Variants in METTL8 observed in about 807,000 individuals in gnomAD.
METTL8 encodes the protein methyltransferase 8, tRNA N3-cytidine.
In METTL8, 32 loss-of-function variants were observed where a neutral mutation model predicts 48.7. The observed-to-expected ratio is 0.66, with a 90% CI of 0.50 to 0.88. The LOEUF is 0.88. METTL8 is among the 40% of genes least tolerant of loss of function. The pLI is 0.00. For missense variants in METTL8, 464 were observed against 474.4 expected (o/e 0.98, Z 0.20); for synonymous variants, 136 against 157.1 (o/e 0.87, Z 1.01).
At chr2:171,422,162 A>G (rs957102569) in intron 1 of METTL8, among the ~76,000 whole-genome samples, 6 of 152,236 alleles carry the variant, frequency 3.9e-5, no homozygotes, top group African/African-American at 1.4e-4. Context: ...AACAGAAAAC[A>G]GAGCACAGAA....
At chr2:171,384,529 G>C (rs1322920036) in intron 2 of METTL8, among the ~76,000 whole-genome samples, 2 of 148,200 alleles carry the variant, frequency 1.3e-5, no homozygotes, top group African/African-American at 5.0e-5. Context: ...CAAACAAACA[G>C]ACAAAAAATG....
At chr2:171,381,046 C>T (rs1345662603) in intron 2 of METTL8, among the ~76,000 whole-genome samples, 1 of 152,156 alleles carries the variant, frequency 6.6e-6, no homozygotes, top group Non-Finnish European at 1.5e-5. Context: ...GGTATCAAAA[C>T]AGACATATAG....
chr2:171,331,879 G>C lies in METTL8; in HGVS notation c.657-12C>G. 6.4e-7 allele frequency: 1 copy of C among 1,573,768 alleles called. No individual in the cohort carries two copies. The highest frequency in any genetic ancestry group is 8.7e-7 in the Non-Finnish European group (1 of 1,155,228). ...ACTCCGGAGAGTTCCTATGAAGATG[G>C]AAGAAATATTTATTTATTTTTTTGG... On this transcript the variant is annotated splice_polypyrimidine_tract_variant and intron_variant, in intron 5 of 9. Transcript: ENST00000375258.
At position 171,339,534 on chromosome 2, in the gene METTL8, T is replaced by A. The variant is rs749194619; in HGVS notation, c.256A>T (p.Ser86Cys). The change falls in exon 4 of 10, where the codon AGT becomes TGT. Residue 86 changes from serine to cysteine, a missense_variant. Coordinates refer to ENST00000375258, the MANE Select transcript of METTL8 (RefSeq NM_001321154.2). ...TTGTAAAATGTGTCCCAGTATTTAC[T>A]AGCTTCTCTCTCATACTTAACTAAA... ...EEQVKYEREA[S>C]KYWDTFYKIH... is the part of the protein sequence containing the mutation. The A allele has an allele frequency of 1.3e-6, 2 of 1,560,228 alleles. No homozygotes were observed. Among genetic ancestry groups the A allele is most frequent in the Non-Finnish European group, 8.8e-7 (1 of 1,138,178 alleles).
chr2:171,409,073 T>C lies in METTL8; in HGVS notation c.-12-16876A>G, dbSNP rs534808029. ...AGAAGACAAAAGACTAATTTACCAATGAAGCAGGATGGTATAGTAGAGGGC... is the reference window on the plus strand; with the variant it reads ...AGAAGACAAAAGACTAATTTACCAACGAAGCAGGATGGTATAGTAGAGGGC... On this transcript the variant is annotated intron_variant, in intron 1 of 9. Transcript: ENST00000375258. Among the ~76,000 whole-genome samples the C allele has an allele frequency of 1.9e-3, 287 of 152,308 alleles. 2 individuals carry two copies. Among genetic ancestry groups the C allele is most frequent in the African/African-American group, 6.7e-3 (280 of 41,570 alleles).
intron 1 of METTL8, among the ~76,000 whole-genome samples, chr2:171,401,007 T>A (rs754985223): frequency 9.2e-5 from 14 of 152,250 alleles, no homozygotes; most frequent in Non-Finnish European, 1.8e-4. Flanking sequence ...CATGTAAAAG[T>A]TAACTTCCCT....
rs997775750 is a variant in METTL8 at position 171,424,185 on chromosome 2, T to C, written c.-13+9698A>G. On this transcript the variant is annotated intron_variant, in intron 1 of 9. Coordinates refer to ENST00000375258, the MANE Select transcript of METTL8 (RefSeq NM_001321154.2). ...CTCTGCCTAGATTTCAGAAGATGTA[T>C]AGAAATGCCTGGATGTCCAAGCAGA... Among the ~76,000 whole-genome samples, 10 of 152,132 alleles carry C rather than the reference T, an allele frequency of 6.6e-5. No homozygotes were observed. In the South Asian group the frequency reaches 2.1e-3, roughly 32 times the overall value.
At chr2:171,399,764 T>G (rs542824489) in intron 1 of METTL8, among the ~76,000 whole-genome samples, 5 of 152,306 alleles carry the variant, frequency 3.3e-5, no homozygotes, top group African/African-American at 1.2e-4. Flanking sequence ...GAGCAATAGT[T>G]TTGAGTAATA....
chr2:171,328,444 A>G (rs899943324), intron 7 of METTL8, among the ~76,000 whole-genome samples: 1 of 152,192 alleles, frequency 6.6e-6, no homozygotes, highest in Non-Finnish European at 1.5e-5. Context: ...CTACTTTTCT[A>G]GAACTTTTCT....
At chr2:171,429,857 T>A (rs1319776615) in intron 1 of METTL8, among the ~76,000 whole-genome samples, 1 of 151,930 alleles carries the variant, frequency 6.6e-6, no homozygotes, top group East Asian at 1.9e-4. Context: ...CTGACCAATA[T>A]GATGAAACCC....
intron 2 of METTL8, among the ~76,000 whole-genome samples, chr2:171,364,247 G>A (rs538900418): frequency 3.9e-5 from 6 of 152,126 alleles, no homozygotes; most frequent in South Asian, 2.1e-4. Context: ...CCTTAATATC[G>A]TAAAGCAGCT....
intron 7 of METTL8, among the ~76,000 whole-genome samples, chr2:171,328,679 T>C (rs2105392174): frequency 6.6e-6 from 1 of 152,102 alleles, no homozygotes; most frequent in South Asian, 2.1e-4. Flanking sequence ...CCCAGCTAAT[T>C]TTTGTATTTT....
intron 1 of METTL8, among the ~76,000 whole-genome samples, chr2:171,425,232 T>C (rs1436758438): frequency 2.0e-5 from 3 of 152,216 alleles, no homozygotes; most frequent in Non-Finnish European, 2.9e-5. Context: ...ATTAGCAGTG[T>C]GAGAACGGAC....
intron 2 of METTL8, among the ~76,000 whole-genome samples, chr2:171,362,780 T>G (rs1326361381): frequency 6.6e-6 from 1 of 152,138 alleles, no homozygotes; most frequent in Non-Finnish European, 1.5e-5. Flanking sequence ...TTGTTTTGAC[T>G]TATTTTGACT....
At chr2:171,325,671 G>A (rs80022495) in intron 9 of METTL8, among the ~76,000 whole-genome samples, 170 bp downstream of exon 9, 63 of 152,260 alleles carry the variant, frequency 4.1e-4, no homozygotes, top group African/African-American at 1.5e-3. Flanking sequence ...ACAGTAAACG[G>A]CCATTTTCAA....
At chr2:171,375,426 C>G in intron 2 of METTL8, 1 of 603,736 alleles carries the variant, frequency 1.7e-6, no homozygotes, top group Non-Finnish European at 2.9e-6. Context: ...TATATTCCCA[C>G]CAGCAGTGTA....
intron 3 of METTL8, among the ~76,000 whole-genome samples, chr2:171,351,111 T>A (rs1466117688): frequency 6.6e-6 from 1 of 152,258 alleles, no homozygotes; most frequent in African/African-American, 2.4e-5. Flanking sequence ...AACATTTAAG[T>A]CTTTAATCCA....
intron 7 of METTL8, among the ~76,000 whole-genome samples, chr2:171,329,095 C>G (rs755493894): frequency 1.7e-4 from 26 of 152,178 alleles, no homozygotes; most frequent in Admixed American, 3.9e-4. Flanking sequence ...AAACGACTCT[C>G]CTGCCTCAGC....
At position 171,429,027 on chromosome 2, in the gene METTL8, C is replaced by A. The variant is rs533129944; in HGVS notation, c.-13+4856G>T. Reference sequence around the variant, plus strand: ...ATTCAGATTTTGTACTATAAGGTACCTTATGTGAACCCCTAGGGATTTTGT... The same window carrying A: ...ATTCAGATTTTGTACTATAAGGTACATTATGTGAACCCCTAGGGATTTTGT... On this transcript the variant is annotated intron_variant, in intron 1 of 9. Coordinates refer to ENST00000375258, the MANE Select transcript of METTL8 (RefSeq NM_001321154.2). Among the ~76,000 whole-genome samples the A allele has an allele frequency of 3.9e-5, 6 of 151,950 alleles. No homozygotes were observed. The South Asian group carries it at 1.2e-3, about 32-fold the overall frequency.
Sources: allele counts gnomAD v4.1 joint callset (sites outside exome capture counted in the v4.1 genomes callset), GRCh38; gene constraint gnomAD v4.1.1; transcripts MANE v1.5; gene names NCBI Gene and HGNC (gene_info 2026-07-23, HGNC 2026-07-21).